PRLR: variants seen among roughly 807,000 people sequenced by gnomAD.
PRLR encodes hPRL receptor.
PRLR carries 13 observed loss-of-function variants against 40.2 expected under a neutral mutation model. That is an observed-to-expected ratio of 0.32 (90% CI 0.21 to 0.51). The LOEUF (loss-of-function observed/expected upper bound fraction) is 0.51, where lower values mean the gene tolerates loss of function less well. PRLR is among the 20% of genes least tolerant of loss of function. PRLR has a pLI of 0.97. For synonymous variants in PRLR, 269 were observed against 278.7 expected (o/e 0.97, Z 0.35); for missense variants, 656 against 747.3 (o/e 0.88, Z 1.42).
chr5:35,222,853 G>T (rs1193595828), intron 1 of PRLR, among the ~76,000 whole-genome samples: 2 of 152,192 alleles, frequency 1.3e-5, no homozygotes, highest in African/African-American at 2.4e-5. Context: ...TTCTCAATTT[G>T]TAAAGTTGGA....
At chr5:35,197,378 C>T (rs185265818) in intron 1 of PRLR, among the ~76,000 whole-genome samples, 114 of 152,312 alleles carry the variant, frequency 7.5e-4, no homozygotes, top group Non-Finnish European at 1.4e-3. Flanking sequence ...AGGTTCAACC[C>T]CTTTCCTTCT....
rs77083550 is a variant in PRLR, at chr5:35,202,301, T to C, written c.-106+27967A>G. On this transcript the variant is annotated intron_variant, in intron 1 of 9. Coordinates refer to ENST00000618457, the MANE Select transcript of PRLR (RefSeq NM_000949.7). ...GAGTCAAGAGACCTGAGTCAAGTCC[T>C]CTACCTGATTCACGGATCAAACCGT... Among the ~76,000 whole-genome samples, 1,270 of 152,326 alleles carry C rather than the reference T, an allele frequency of 8.3e-3. 18 individuals are homozygous for C. The highest frequency in any genetic ancestry group is 0.029 in the African/African-American group (1,225 of 41,576).
Position 35,214,071 on chromosome 5 carries a change from T to C in PRLR, c.-106+16197A>G, listed in dbSNP as rs78030348. On this transcript the variant is annotated intron_variant, in intron 1 of 9. Coordinates refer to ENST00000618457, the MANE Select transcript of PRLR (RefSeq NM_000949.7). ...GCTGATATATTTCTGAGCTTTTCCA[T>C]TTGCCTTGGTTTTGCTAGAGGAAAA... Among the ~76,000 whole-genome samples, 756 of 152,338 alleles carry C rather than the reference T, an allele frequency of 5.0e-3. 5 individuals carry two copies. Among genetic ancestry groups the C allele is most frequent in the African/African-American group, 0.017 (716 of 41,580 alleles).
intron 1 of PRLR, among the ~76,000 whole-genome samples, chr5:35,136,269 T>A (rs946068482): frequency 6.6e-6 from 1 of 152,182 alleles, no homozygotes; most frequent in Middle Eastern, 3.2e-3. Context: ...ATTTCTTAGG[T>A]ACAAGGTAAA....
intron 1 of PRLR, among the ~76,000 whole-genome samples, chr5:35,181,486 T>C (rs918534730): frequency 3.3e-5 from 5 of 152,338 alleles, no homozygotes; most frequent in African/African-American, 1.2e-4. Context: ...TCTAGGTAGA[T>C]GTCTATTAAG....
chr5:35,153,716 G>T (rs1381988854), intron 1 of PRLR, among the ~76,000 whole-genome samples: 2 of 112,590 alleles, frequency 1.8e-5, no homozygotes, highest in African/African-American at 3.8e-5. Flanking sequence ...CCCCACCATT[G>T]TACACACACA....
intron 1 of PRLR, among the ~76,000 whole-genome samples, chr5:35,186,541 A>G (rs989370543): frequency 6.6e-6 from 1 of 152,128 alleles, no homozygotes; most frequent in Admixed American, 6.5e-5. Flanking sequence ...GCCTCAGTTT[A>G]CCCAGAGGAA....
At chr5:35,071,702 A>T (rs913154479) in intron 6 of PRLR, among the ~76,000 whole-genome samples, 8 of 152,110 alleles carry the variant, frequency 5.3e-5, no homozygotes. Context: ...GGTTTAAGCA[A>T]TTCTCCTGCC....
At chr5:35,211,384 C>T (rs1471343496) in intron 1 of PRLR, among the ~76,000 whole-genome samples, 1 of 152,062 alleles carries the variant, frequency 6.6e-6, no homozygotes, top group African/African-American at 2.4e-5. Flanking sequence ...ACTCACAAGA[C>T]CTGAAGAGAC....
intron 1 of PRLR, among the ~76,000 whole-genome samples, chr5:35,147,632 G>T (rs907513796): frequency 2.0e-5 from 3 of 151,986 alleles, no homozygotes; most frequent in Non-Finnish European, 2.9e-5. Context: ...TCAAAATAAA[G>T]AATAAATCCT....
chr5:35,156,209 A>G (rs759132129), intron 1 of PRLR, among the ~76,000 whole-genome samples: 25 of 151,540 alleles, frequency 1.6e-4, no homozygotes, highest in Non-Finnish European at 2.4e-4. Flanking sequence ...CTCCAATCCA[A>G]TCCAATGATG....
In PRLR at chr5:35,061,716, G is replaced by A. The variant is rs951535920; in HGVS notation, c.*3373C>T. On this transcript the variant is annotated 3_prime_UTR_variant, in exon 10 of 10. Transcript: ENST00000618457. The stretch of plus-strand genomic sequence containing the variant: ...AGCTACACAAATCACCCGTTGCCTA[G>A]ATTCAGTTTCCATGCGCCTTAAAAC... The A allele has an allele frequency of 2.6e-5, 4 of 152,164 alleles. No individual in the cohort carries two copies. The highest frequency in any genetic ancestry group is 4.4e-5 in the Non-Finnish European group (3 of 68,046). 9.4% of individuals were successfully genotyped at this position (152,164 alleles called of 1,614,324 possible). A position where few individuals can be genotyped will look rare whatever the true frequency, so the allele number is the denominator to read the frequency against.
At chr5:35,185,924 T>C (rs987854154) in intron 1 of PRLR, among the ~76,000 whole-genome samples, 9 of 152,214 alleles carry the variant, frequency 5.9e-5, no homozygotes, top group Non-Finnish European at 1.3e-4. Flanking sequence ...TGTTCTCTGA[T>C]TCGTCGAATG....
chr5:35,195,475 A>C (rs1024907354), intron 1 of PRLR: 3 of 152,242 alleles, frequency 2.0e-5, no homozygotes, highest in African/African-American at 7.2e-5. Flanking sequence ...TGCCATTCCC[A>C]ATCACAGATG....
At chr5:35,148,523 C>A (rs561093147) in intron 1 of PRLR, among the ~76,000 whole-genome samples, 246 of 152,218 alleles carry the variant, frequency 1.6e-3, no homozygotes, top group African/African-American at 5.6e-3. Context: ...GGGTTGGAAT[C>A]CAAGCTCTCC....
Position 35,062,257 on chromosome 5 carries a change from G to A in PRLR, c.*2832C>T, listed in dbSNP as rs1463961894. The A allele has an allele frequency of 6.6e-6, 1 of 152,186 alleles. No homozygotes were observed. Among genetic ancestry groups the A allele is most frequent in the Admixed American group, 6.5e-5 (1 of 15,272 alleles). The allele number at this position is 152,186 out of a possible 1,614,324, so 9.4% of individuals were successfully genotyped here. ...ATTCAGTGAGTCATGGAATCAAGGA[G>A]TCAGTTTCAAAGGACCTTAGAGGTT... On this transcript the variant is annotated 3_prime_UTR_variant, in exon 10 of 10. Coordinates refer to ENST00000618457, the MANE Select transcript of PRLR (RefSeq NM_000949.7).
intron 1 of PRLR, among the ~76,000 whole-genome samples, chr5:35,161,771 C>T (rs763245529): frequency 1.1e-4 from 17 of 152,314 alleles, no homozygotes; most frequent in Admixed American, 3.3e-4. Context: ...CTTTTTGGAT[C>T]GGCTAATGAA....
intron 1 of PRLR, among the ~76,000 whole-genome samples, chr5:35,137,115 G>A (rs879427821): frequency 6.6e-6 from 1 of 152,074 alleles, no homozygotes; most frequent in African/African-American, 2.4e-5. Context: ...GGGTGAGGAC[G>A]CATGCAATAA....
rs1233965852 is a variant in PRLR at position 35,058,711 on chromosome 5, C to G, written c.*6378G>C. 2 of 152,112 alleles carry G rather than the reference C, an allele frequency of 1.3e-5. No individual in the cohort carries two copies. Among genetic ancestry groups the G allele is most frequent in the Non-Finnish European group, 2.9e-5 (2 of 68,012 alleles). 9.4% of individuals were successfully genotyped at this position (152,112 alleles called of 1,614,324 possible). On this transcript the variant is annotated 3_prime_UTR_variant, in exon 10 of 10. Coordinates refer to ENST00000618457, the MANE Select transcript of PRLR (RefSeq NM_000949.7). The stretch of plus-strand genomic sequence containing the variant: ...TAAGTAATGATTTTCATTTGTATTA[C>G]ATGATGAGTTTCACAACATGAGGAT...
Sources: gnomAD v4.1 joint callset for allele counts (sites outside exome capture counted in the v4.1 genomes callset) on GRCh38, gnomAD v4.1.1 for gene constraint, MANE v1.5 for transcripts, NCBI Gene and HGNC (gene_info 2026-07-23, HGNC 2026-07-21) for gene names.